The following P4HA1 variants were observed in gnomAD, a reference collection of about 807,000 sequenced individuals.
The protein encoded by P4HA1 is prolyl 4-hydroxylase subunit alpha 1.
P4HA1 carries 24 observed loss-of-function variants against 72.8 expected under a neutral mutation model. That is an observed-to-expected ratio of 0.33 (90% CI 0.24 to 0.46). The LOEUF (loss-of-function observed/expected upper bound fraction) is 0.46, where lower values mean the gene tolerates loss of function less well. Ranked by LOEUF, P4HA1 falls within the 20% of genes least tolerant of loss-of-function variation. The pLI is 1.00. For synonymous variants in P4HA1, 201 were observed against 218.8 expected (o/e 0.92, Z 0.72); for missense variants, 446 against 640.6 (o/e 0.70, Z 3.28).
At chr10:73,095,737 C>A (rs1419888338) in intron 1 of P4HA1, among the ~76,000 whole-genome samples, 1 of 152,188 alleles carries the variant, frequency 6.6e-6, no homozygotes, top group Non-Finnish European at 1.5e-5. Context: ...GAGGATCTAG[C>A]TGCTTCTTCA....
chr10:73,028,189 A>G (rs1285173202), intron 10 of P4HA1, among the ~76,000 whole-genome samples: 1 of 151,722 alleles, frequency 6.6e-6, no homozygotes, highest in African/African-American at 2.4e-5. Context: ...CTTTTAAAAA[A>G]CTGCAAGCGT....
intron 6 of P4HA1, among the ~76,000 whole-genome samples, chr10:73,052,962 T>C (rs1203559844): frequency 2.6e-5 from 4 of 152,236 alleles, no homozygotes; most frequent in Admixed American, 6.5e-5. Context: ...CATTTGAATA[T>C]GATAAATATA....
intron 5 of P4HA1, among the ~76,000 whole-genome samples, chr10:73,063,475 C>T (rs192315739): frequency 2.0e-4 from 30 of 152,246 alleles, no homozygotes; most frequent in Non-Finnish European, 8.8e-5. Flanking sequence ...AGTCCAACAA[C>T]AGCAGATGCT....
chr10:73,023,700 G>A (rs1180948871), intron 10 of P4HA1, among the ~76,000 whole-genome samples: 1 of 151,728 alleles, frequency 6.6e-6, no homozygotes, highest in Non-Finnish European at 1.5e-5. Flanking sequence ...GCACAGACTG[G>A]CAAATTGGAT....
intron 9 of P4HA1, chr10:73,043,791 A>G (rs1424972658): frequency 6.8e-6 from 6 of 882,458 alleles, no homozygotes; most frequent in Non-Finnish European, 1.1e-5. Flanking sequence ...CTAACCACCT[A>G]GGTCTTAGAA....
At chr10:73,027,436 C>T (rs577952507) in intron 10 of P4HA1, among the ~76,000 whole-genome samples, 10 of 121,584 alleles carry the variant, frequency 8.2e-5, no homozygotes, top group Middle Eastern at 4.5e-3. Flanking sequence ...CATCACACAC[C>T]GGGGCCTGTC....
At chr10:73,070,475 A>G (rs1307627009) in intron 4 of P4HA1, among the ~76,000 whole-genome samples, 1 of 152,004 alleles carries the variant, frequency 6.6e-6, no homozygotes, top group Admixed American at 6.6e-5. Context: ...TAACTAGAAG[A>G]GGGCTAGAGT....
rs774388057 is a variant in P4HA1, at chr10:73,073,718, AC to A, written c.173+12del. On this transcript the variant is annotated intron_variant, in intron 3 of 14. Transcript: ENST00000394890. Reference sequence around the variant, plus strand: ...GTTGAGTCAGAGTCATAATAAGCAAACATTTTGCTTACTTTTTTATTTGTTC... The same window carrying A: ...GTTGAGTCAGAGTCATAATAAGCAAAATTTTGCTTACTTTTTTATTTGTTC... 4.2e-6 allele frequency: 5 copies of A among 1,195,918 alleles called. No individual in the cohort carries two copies. Among genetic ancestry groups the A allele is most frequent in the Non-Finnish European group, 6.3e-6 (5 of 798,802 alleles). 74.1% of individuals were successfully genotyped at this position (1,195,918 alleles called of 1,614,324 possible).
chr10:73,038,651 G>A (rs1840659969), intron 9 of P4HA1, among the ~76,000 whole-genome samples: 1 of 100,888 alleles, frequency 9.9e-6, no homozygotes, highest in South Asian at 4.0e-4. Flanking sequence ...TTTTGAGACG[G>A]AGTCTCGCTC....
rs182006125 is a variant in P4HA1 at position 73,093,800 on chromosome 10, A to G, written c.-33+2966T>C. On this transcript the variant is annotated intron_variant, in intron 1 of 14. Coordinates refer to ENST00000394890, the MANE Select transcript of P4HA1 (RefSeq NM_001017962.3). Reference sequence around the variant, plus strand: ...GGAGCTTGCAGTGGGCCGAGATTGCACCACTGCACTCCAGCCTGGGTGGCA... The same window carrying G: ...GGAGCTTGCAGTGGGCCGAGATTGCGCCACTGCACTCCAGCCTGGGTGGCA... Among the ~76,000 whole-genome samples the G allele has an allele frequency of 2.7e-3, 344 of 128,460 alleles. 2 individuals carry two copies. The highest frequency in any genetic ancestry group is 9.2e-3 in the African/African-American group (318 of 34,742). The allele number at this position is 128,460 out of a possible 152,430, so 84.3% of individuals were successfully genotyped here.
Position 73,046,929 on chromosome 10 carries a change from G to T in P4HA1, c.1073C>A (p.Pro358Gln). 1 of 1,596,558 alleles carries T rather than the reference G, an allele frequency of 6.3e-7. No individual in the cohort carries two copies. The highest frequency in any genetic ancestry group is 8.6e-7 in the Non-Finnish European group (1 of 1,168,072). ...EIEIVKDLAKPRLRRATISNP... is the reference protein window; with the variant it reads ...EIEIVKDLAKQRLRRATISNP... ...AAGAAAGAAAACATTATTTACCCTT[G>T]GTTTTGCTAGGTCTTTGACGATTTC... Residue 358 changes from proline (P) to glutamine (Q), a missense_variant, in exon 8 of 15, where the codon CCA becomes CAA. Coordinates refer to ENST00000394890, the MANE Select transcript of P4HA1 (RefSeq NM_001017962.3).
intron 7 of P4HA1, 50 bp downstream of exon 7, chr10:73,051,003 A>G (rs1564628996): frequency 1.6e-6 from 2 of 1,264,400 alleles, no homozygotes; most frequent in African/African-American, 1.5e-5. Context: ...CTGTGTACAA[A>G]CACATACACA....
Position 73,068,840 on chromosome 10 carries a change from T to C in P4HA1, c.463+6A>G. The C allele has an allele frequency of 6.2e-7, 1 of 1,609,638 alleles. No individual in the cohort carries two copies. The highest frequency in any genetic ancestry group is 1.7e-5 in the Admixed American group (1 of 59,996). On this transcript the variant is annotated splice_donor_region_variant and intron_variant, in intron 5 of 14. Coordinates refer to ENST00000394890, the MANE Select transcript of P4HA1 (RefSeq NM_001017962.3). ...GGTATTTTATAGAATGGAAGAATGA[T>C]CTTACCTGGAAGATTACCCTTTGAG... is the stretch of plus-strand genomic sequence containing the variant.
At chr10:73,070,142 CTTTTT>C (rs71021546) in intron 4 of P4HA1, among the ~76,000 whole-genome samples, 14 of 64,470 alleles carry the variant, frequency 2.2e-4, no homozygotes, top group East Asian at 5.3e-4. Flanking sequence ...GAGACCAGGC[CTTTTT>C]TTTTTTTTTT....
chr10:73,056,091 C>G (rs1263795301), intron 5 of P4HA1, among the ~76,000 whole-genome samples: 1 of 152,160 alleles, frequency 6.6e-6, no homozygotes, highest in East Asian at 1.9e-4. Context: ...AACTCTATGA[C>G]TTAATACTAC....
intron 4 of P4HA1, 61 bp from the exon 5 acceptor site, chr10:73,069,044 G>T: frequency 1.6e-6 from 2 of 1,225,752 alleles, no homozygotes; most frequent in South Asian, 1.3e-5. Context: ...CCCATAAAGA[G>T]ACTTAATAAG....
At chr10:73,074,236 A>T (rs1228128080) in intron 2 of P4HA1, among the ~76,000 whole-genome samples, 1 of 152,158 alleles carries the variant, frequency 6.6e-6, no homozygotes, top group Non-Finnish European at 1.5e-5. Context: ...TAAAAGCCAC[A>T]CTAAAAAAGT....
chr10:73,058,622 C>G (rs1454082172), intron 5 of P4HA1, among the ~76,000 whole-genome samples: 1 of 151,900 alleles, frequency 6.6e-6, no homozygotes, highest in Non-Finnish European at 1.5e-5. Context: ...TCATCCTCTA[C>G]TGACAATAAG....
chr10:73,012,644 G>T (rs577123257), intron 12 of P4HA1, among the ~76,000 whole-genome samples: 109 of 151,664 alleles, frequency 7.2e-4, no homozygotes, highest in Non-Finnish European at 1.4e-3. Flanking sequence ...AAGGTAGCAG[G>T]AAGAGAAAAA....
Sources: gnomAD v4.1 joint callset for allele counts (sites outside exome capture counted in the v4.1 genomes callset) on GRCh38, gnomAD v4.1.1 for gene constraint, MANE v1.5 for transcripts, NCBI Gene and HGNC (gene_info 2026-07-23, HGNC 2026-07-21) for gene names.